The following OSBPL5 variants were observed in gnomAD, a reference collection of about 807,000 sequenced individuals.
OSBPL5 encodes oxysterol binding protein like 5.
Under a neutral mutation model 111.2 loss-of-function variants are expected in OSBPL5, and 71 were observed. That is an observed-to-expected ratio of 0.64 (90% CI 0.53 to 0.78). The LOEUF (loss-of-function observed/expected upper bound fraction) is 0.78, where lower values mean the gene tolerates loss of function less well. OSBPL5 is among the 30% of genes least tolerant of loss of function. OSBPL5 has a pLI of 0.00. For synonymous variants in OSBPL5, 549 were observed against 513.9 expected (o/e 1.07, Z -0.93); for missense variants, 1,210 against 1,189.3 (o/e 1.02, Z -0.26).
chr11:3,164,071 G>C (rs910000062), intron 1 of OSBPL5: 2 of 152,270 alleles, frequency 1.3e-5, no homozygotes, highest in East Asian at 3.9e-4. Context: ...CCCTGGTGCA[G>C]GCAGACCCAA....
chr11:3,155,708 G>A lies in OSBPL5; in HGVS notation c.-22+9508C>T, dbSNP rs537634234. ...TTTGCCACTCATGTCTGAAGTGGCC[G>A]GATGGCCAGGGCAGCAGCCACTACG... On this transcript the variant is annotated intron_variant, in intron 1 of 21. Coordinates refer to ENST00000263650, the MANE Select transcript of OSBPL5 (RefSeq NM_020896.4). Among the ~76,000 whole-genome samples the A allele has an allele frequency of 1.2e-3, 186 of 152,330 alleles. 1 individual carries two copies. The highest frequency in any genetic ancestry group is 4.1e-3 in the African/African-American group (171 of 41,568).
chr11:3,117,658 C>T (rs925984256), intron 7 of OSBPL5, among the ~76,000 whole-genome samples: 1 of 152,142 alleles, frequency 6.6e-6, no homozygotes, highest in African/African-American at 2.4e-5. Flanking sequence ...TAATGTTTTT[C>T]AATTTTTGTT....
chr11:3,129,377 T>G (rs1858747440), intron 1 of OSBPL5: 1 of 392,482 alleles, frequency 2.5e-6, no homozygotes, highest in Middle Eastern at 6.6e-4. Flanking sequence ...GTGCCAGCCC[T>G]TTCCACGCCG....
chr11:3,124,388 T>C (rs1013021003), intron 3 of OSBPL5, among the ~76,000 whole-genome samples: 1 of 152,136 alleles, frequency 6.6e-6, no homozygotes, highest in African/African-American at 2.4e-5. Flanking sequence ...ACGAGGCATA[T>C]GCTGGACCCT....
rs1485226937 is a variant in OSBPL5 at position 3,140,668 on chromosome 11, T to C, written c.-21-11499A>G. ...GCTCCCCTCTGTCCCCCAGCTCACA[T>C]TACCCAGGACTGGCTGTAGGAGCCT... On this transcript the variant is annotated intron_variant, in intron 1 of 21. Coordinates refer to ENST00000263650, the MANE Select transcript of OSBPL5 (RefSeq NM_020896.4). This position sits in a 1 kb window ranked among gnomAD's most constrained non-coding sequence, Gnocchi z 4.5. Among the ~76,000 whole-genome samples the C allele has an allele frequency of 6.6e-6, 1 of 152,166 alleles. No individual in the cohort carries two copies. Among genetic ancestry groups the C allele is most frequent in the Non-Finnish European group, 1.5e-5 (1 of 68,014 alleles).
intron 15 of OSBPL5, 21 bp from the exon 16 acceptor site, chr11:3,093,856 C>G: frequency 6.2e-7 from 1 of 1,605,164 alleles, no homozygotes; most frequent in Non-Finnish European, 8.5e-7. Flanking sequence ...ACACCCAGAA[C>G]AGAGCCCAGT....
chr11:3,115,303 T>C (rs1283122894), intron 7 of OSBPL5, among the ~76,000 whole-genome samples: 1 of 152,248 alleles, frequency 6.6e-6, no homozygotes, highest in Non-Finnish European at 1.5e-5. Context: ...TTAAAATTTT[T>C]TTTAAATCAA....
rs1161478002 is a variant in OSBPL5, at chr11:3,162,588, C to T, written c.-22+2628G>A. Among the ~76,000 whole-genome samples the T allele has an allele frequency of 1.3e-5, 2 of 151,928 alleles. No homozygotes were observed. Among genetic ancestry groups the T allele is most frequent in the Non-Finnish European group, 2.9e-5 (2 of 67,990 alleles). On this transcript the variant is annotated intron_variant, in intron 1 of 21. Coordinates refer to ENST00000263650, the MANE Select transcript of OSBPL5 (RefSeq NM_020896.4). The surrounding 1 kb of genome is among the most constrained non-coding windows in gnomAD (Gnocchi z 8.1). ...TTAGTCCAAGTCCTTTGTACTCGAC[C>T]GCCAACCCTACCACTCTCCGGAGCA...
At chr11:3,124,581 T>G (rs997431695) in intron 3 of OSBPL5, among the ~76,000 whole-genome samples, 1 of 152,102 alleles carries the variant, frequency 6.6e-6, no homozygotes, top group African/African-American at 2.4e-5. Flanking sequence ...TTTCTCAGGC[T>G]CCCTGAGCTG....
intron 14 of OSBPL5, 199 bp from the exon 15 acceptor site, chr11:3,094,533 G>GGGTGCGGAGCCTGGGA (rs145966219): frequency 5.6e-6 from 3 of 539,038 alleles, no homozygotes; most frequent in Non-Finnish European, 9.9e-6. Flanking sequence ...AGGCTGGTGG[G>GGGTGCGGAGCCTGGGA]GGTGCGGAGC....
intron 13 of OSBPL5, among the ~76,000 whole-genome samples, chr11:3,101,356 T>C (rs1227424162): frequency 6.6e-6 from 1 of 152,188 alleles, no homozygotes; most frequent in African/African-American, 2.4e-5. Context: ...CCTTTCCATG[T>C]AGGTGCCCTC....
At chr11:3,102,128 A>G in intron 12 of OSBPL5, 55 bp downstream of exon 12, 3 of 1,502,256 alleles carry the variant, frequency 2.0e-6, no homozygotes, top group East Asian at 4.9e-5. Flanking sequence ...GCCCCCACAG[A>G]GCCCCGCCCC....
Position 3,139,819 on chromosome 11 carries a change from G to A in OSBPL5, c.-21-10650C>T, listed in dbSNP as rs974804267. On this transcript the variant is annotated intron_variant, in intron 1 of 21. Transcript: ENST00000263650. ...GCCAGCCTTCCCTGCTGGAGTCCCC[G>A]AGGCCCAGCCACGCGCCCTGAAGGA... is the stretch of plus-strand genomic sequence containing the variant. Among the ~76,000 whole-genome samples the A allele has an allele frequency of 7.2e-5, 11 of 152,332 alleles. No homozygotes were observed. In the East Asian group the frequency reaches 1.3e-3, roughly 19 times the overall value.
intron 1 of OSBPL5, among the ~76,000 whole-genome samples, chr11:3,158,561 AC>A: frequency 6.6e-6 from 1 of 152,306 alleles, no homozygotes; most frequent in South Asian, 2.1e-4. Context: ...CCATGGGGAC[AC>A]CCCACGTGCA....
chr11:3,120,394 G>A, intron 6 of OSBPL5, 27 bp downstream of exon 6: 2 of 1,600,956 alleles, frequency 1.2e-6, no homozygotes, highest in Non-Finnish European at 1.7e-6. Context: ...CGGGGCCTCT[G>A]TCTTCAACCC....
At chr11:3,144,764 G>A (rs970680303) in intron 1 of OSBPL5, among the ~76,000 whole-genome samples, 17 of 152,214 alleles carry the variant, frequency 1.1e-4, no homozygotes, top group Non-Finnish European at 1.3e-4. Context: ...CCCCCAAGGC[G>A]TCCCCACGCT....
intron 1 of OSBPL5, among the ~76,000 whole-genome samples, chr11:3,150,052 A>ACACACACACAGT (rs1846525099): frequency 6.6e-6 from 1 of 152,210 alleles, no homozygotes; most frequent in Non-Finnish European, 1.5e-5. Flanking sequence ...ACACACACAG[A>ACACACACACAGT]CACACACGTA....
intron 7 of OSBPL5, among the ~76,000 whole-genome samples, chr11:3,112,028 T>C: frequency 1.0e-4 from 1 of 9,562 alleles, no homozygotes. Context: ...TGTGTGCATG[T>C]GTGTGTATGT....
intron 1 of OSBPL5, among the ~76,000 whole-genome samples, chr11:3,129,969 G>T (rs933577996): frequency 2.0e-5 from 3 of 152,226 alleles, no homozygotes; most frequent in African/African-American, 7.2e-5. Flanking sequence ...GGGTTCAGAA[G>T]CGAGTTTCTT....
Sources: allele counts gnomAD v4.1 joint callset (sites outside exome capture counted in the v4.1 genomes callset), GRCh38; gene constraint gnomAD v4.1.1; non-coding constraint Gnocchi (gnomAD v3.1); transcripts MANE v1.5; gene names NCBI Gene and HGNC (gene_info 2026-07-23, HGNC 2026-07-21).